DGKB: variants seen among roughly 807,000 people sequenced by gnomAD.
DGKB encodes the protein diacylglycerol kinase beta, also known as 90 kDa diacylglycerol kinase.
A neutral mutation model predicts 114.3 loss-of-function variants in DGKB; 67 were observed. That is an observed-to-expected ratio of 0.59 (90% CI 0.48 to 0.72). The LOEUF (loss-of-function observed/expected upper bound fraction) is 0.72, where lower values mean the gene tolerates loss of function less well. Among genes scored for constraint, DGKB ranks in the 30% least tolerant of loss-of-function variants. The pLI is 0.00. For synonymous variants in DGKB, 398 were observed against 323.1 expected (o/e 1.23, Z -2.49); for missense variants, 907 against 975.2 (o/e 0.93, Z 0.93).
At chr7:14,578,311 A>G (rs1253836855) in intron 19 of DGKB, among the ~76,000 whole-genome samples, 1 of 152,112 alleles carries the variant, frequency 6.6e-6, no homozygotes, top group Non-Finnish European at 1.5e-5. Flanking sequence ...GCAGTGTGAG[A>G]ACAAACTAAT....
At chr7:14,602,659 G>A (rs1226057010) in intron 17 of DGKB, among the ~76,000 whole-genome samples, 1 of 152,144 alleles carries the variant, frequency 6.6e-6, no homozygotes, top group Non-Finnish European at 1.5e-5. Context: ...AACAAAAAGT[G>A]AGCCATCAGC....
At chr7:14,924,553 C>T (rs997702751) in intron 1 of DGKB, among the ~76,000 whole-genome samples, 2 of 152,174 alleles carry the variant, frequency 1.3e-5, no homozygotes, top group African/African-American at 2.4e-5. Context: ...TTTTCCTCTC[C>T]GAGCTGCATT....
chr7:14,604,836 G>A (rs980764676), intron 17 of DGKB, among the ~76,000 whole-genome samples: 9 of 152,070 alleles, frequency 5.9e-5, no homozygotes, highest in African/African-American at 2.2e-4. Context: ...AACTACCTGT[G>A]GCATTTGCCT....
chr7:14,623,021 T>C (rs1807933460), intron 14 of DGKB, among the ~76,000 whole-genome samples: 2 of 152,198 alleles, frequency 1.3e-5, no homozygotes, highest in Non-Finnish European at 2.9e-5. Flanking sequence ...TTCTTTCATC[T>C]TAATCAAAGT....
At chr7:14,773,991 T>C (rs774235212) in intron 2 of DGKB, among the ~76,000 whole-genome samples, 2 of 152,170 alleles carry the variant, frequency 1.3e-5, no homozygotes, top group Non-Finnish European at 2.9e-5. Flanking sequence ...CTTAAATTAC[T>C]AGAATTTGTG....
At chr7:14,862,485 G>C (rs1297608171) in intron 1 of DGKB, among the ~76,000 whole-genome samples, 1 of 152,008 alleles carries the variant, frequency 6.6e-6, no homozygotes, top group Non-Finnish European at 1.5e-5. Flanking sequence ...CTTTCTGGGT[G>C]AGGTATTATA....
chr7:14,729,536 A>C (rs1830610594), intron 5 of DGKB, among the ~76,000 whole-genome samples: 1 of 152,200 alleles, frequency 6.6e-6, no homozygotes, highest in African/African-American at 2.4e-5. Flanking sequence ...GGGACATTAA[A>C]AAATTTTTGA....
At chr7:14,380,960 T>G (rs1186208710) in intron 21 of DGKB, among the ~76,000 whole-genome samples, 1 of 152,190 alleles carries the variant, frequency 6.6e-6, no homozygotes, top group Non-Finnish European at 1.5e-5. Flanking sequence ...GAAGATTAAA[T>G]CCAAGGAGTT....
chr7:14,292,945 T>C (rs1460969563), intron 23 of DGKB, among the ~76,000 whole-genome samples: 5 of 152,180 alleles, frequency 3.3e-5, no homozygotes, highest in African/African-American at 9.6e-5. Flanking sequence ...CATTCAGTAT[T>C]CTGGGCTTCT....
At chr7:14,419,809 T>G (rs552552465) in intron 21 of DGKB, among the ~76,000 whole-genome samples, 13 of 152,000 alleles carry the variant, frequency 8.6e-5, no homozygotes, top group African/African-American at 3.1e-4. Flanking sequence ...ACCAAAGCAC[T>G]GGCTTGTTTC....
intron 21 of DGKB, among the ~76,000 whole-genome samples, chr7:14,428,761 A>G (rs111881499): frequency 1.3e-5 from 2 of 152,102 alleles, no homozygotes; most frequent in Admixed American, 1.3e-4. Flanking sequence ...ATTACATTGT[A>G]TACCCCTCTC....
chr7:14,792,679 G>A (rs1400000307), intron 2 of DGKB, among the ~76,000 whole-genome samples: 2 of 152,044 alleles, frequency 1.3e-5, no homozygotes, highest in Non-Finnish European at 1.5e-5. Flanking sequence ...TTTTGCAAAC[G>A]TAAGTTAAAA....
At chr7:14,875,088 T>C (rs369473568) in intron 1 of DGKB, among the ~76,000 whole-genome samples, 1 of 152,024 alleles carries the variant, frequency 6.6e-6, no homozygotes, top group Admixed American at 6.6e-5. Context: ...ATAGATGTGA[T>C]GGAGCTAAGA....
At chr7:14,569,035 T>A (rs554244425) in intron 20 of DGKB, among the ~76,000 whole-genome samples, 1 of 152,218 alleles carries the variant, frequency 6.6e-6, no homozygotes, top group African/African-American at 2.4e-5. Context: ...TGTTATATAT[T>A]CAGGAATGAT....
At chr7:14,736,606 C>A (rs1283518680) in intron 4 of DGKB, among the ~76,000 whole-genome samples, 2 of 152,134 alleles carry the variant, frequency 1.3e-5, no homozygotes, top group African/African-American at 4.8e-5. Context: ...AGCAGGCACT[C>A]AGAGAGAAAG....
intron 21 of DGKB, among the ~76,000 whole-genome samples, chr7:14,378,126 G>A (rs552929456): frequency 2.6e-5 from 4 of 152,166 alleles, no homozygotes; most frequent in African/African-American, 9.6e-5. Context: ...GTTACATTTC[G>A]TAACCATGAA....
chr7:14,444,134 T>G (rs569619382), intron 21 of DGKB, among the ~76,000 whole-genome samples: 1 of 151,996 alleles, frequency 6.6e-6, no homozygotes, highest in African/African-American at 2.4e-5. Context: ...TTGTAAACAA[T>G]AGTGAGACCT....
Position 14,518,033 on chromosome 7 carries a change from T to C in DGKB, c.1771-39808A>G, listed in dbSNP as rs959329152. On this transcript the variant is annotated intron_variant, in intron 20 of 25. Coordinates refer to ENST00000402815, the MANE Select transcript of DGKB (RefSeq NM_001350709.2). The stretch of plus-strand genomic sequence containing the variant: ...ACGCATATGTTCATTACAGCACTAT[T>C]CACAATAGCAAAGACATGGAATCAA... 2.0e-5 allele frequency among the ~76,000 whole-genome samples: 3 copies of C among 152,156 alleles called. 1 individual carries two copies. Among genetic ancestry groups the C allele is most frequent in the Non-Finnish European group, 2.9e-5 (2 of 68,026 alleles).
chr7:14,842,065 T>C (rs1848015665), intron 1 of DGKB, among the ~76,000 whole-genome samples: 1 of 152,236 alleles, frequency 6.6e-6, no homozygotes, highest in African/African-American at 2.4e-5. Flanking sequence ...GCTATATCTG[T>C]AAAGGCAAAC....
Sources: allele counts gnomAD v4.1 joint callset (sites outside exome capture counted in the v4.1 genomes callset), GRCh38; gene constraint gnomAD v4.1.1; transcripts MANE v1.5; gene names NCBI Gene and HGNC (gene_info 2026-07-23, HGNC 2026-07-21).